OBP2B: variants seen among roughly 807,000 people sequenced by gnomAD.
OBP2B encodes the protein odorant-binding protein 2b.
Under a neutral mutation model 21.7 loss-of-function variants are expected in OBP2B, and 10 were observed. The observed-to-expected ratio is 0.46, with a 90% confidence interval of 0.28 to 0.78. The LOEUF (loss-of-function observed/expected upper bound fraction) is 0.78, where lower values mean the gene tolerates loss of function less well. Ranked by LOEUF, OBP2B falls within the 30% of genes least tolerant of loss-of-function variation. OBP2B has a pLI of 0.11. For synonymous variants in OBP2B, 73 were observed against 91.5 expected, an observed-to-expected ratio of 0.80 and a Z score of 1.16; for missense variants, 153 against 217.7, an observed-to-expected ratio of 0.70 and a Z score of 1.87.
chr9:133,207,831 T>C, intron 3 of OBP2B: 2 of 1,474,262 alleles, frequency 1.4e-6, no homozygotes, highest in Non-Finnish European at 9.1e-7. Context: ...ACCCTCAGCC[T>C]CCCCGTACCT....
rs182719632 is a variant in OBP2B at position 133,207,818 on chromosome 9, C to A, written c.277+315G>T. On this transcript the variant is annotated intron_variant, in intron 3 of 6. Transcript: ENST00000372034. The stretch of plus-strand genomic sequence containing the variant: ...TCCTTAACCCTCAGCTTCCCCATCC[C>A]TAACCCTCAGCCTCCCCGTACCTAA... The A allele has an allele frequency of 6.3e-6, 9 of 1,437,228 alleles. No homozygotes were observed. The African/African-American group carries it at 1.3e-4, about 20-fold the overall frequency. The allele number at this position is 1,437,228 out of a possible 1,614,324, so 89.0% of individuals were successfully genotyped here. A position where few individuals can be genotyped will look rare whatever the true frequency, so the allele number is the denominator to read the frequency against.
Position 133,206,360 on chromosome 9 carries a change from G to A in OBP2B, c.445C>T (p.Arg149Cys), listed in dbSNP as rs149207911. ...ATGTCCTCCTCCGAGAGTCCCTTGCGCTGCACCAATTTCTTAAATTCTTCC... is the reference window on the plus strand; with the variant it reads ...ATGTCCTCCTCCGAGAGTCCCTTGCACTGCACCAATTTCTTAAATTCTTCC... Reference protein sequence around the residue: ...ALEEFKKLVQRKGLSEEDIFT... With the variant: ...ALEEFKKLVQCKGLSEEDIFT... The change falls in exon 5 of 7, where the codon CGC becomes TGC. Residue 149 changes from arginine (R) to cysteine (C), a missense_variant. Arg to Cys is a radical substitution (Grantham distance 180). Around this residue, in one of 2 missense-constraint regions of OBP2B, gnomAD observed 151 missense variants for 186.3 expected, o/e 0.81. Transcript: ENST00000372034. The A allele has an allele frequency of 2.2e-4, 349 of 1,614,040 alleles. No homozygotes were observed. In the African/African-American group the frequency reaches 2.7e-3, roughly 12 times the overall value.
chr9:133,220,169 T>C, the OBP2B span, among the ~76,000 whole-genome samples: 2 of 152,196 alleles, frequency 1.3e-5, no homozygotes, highest in Non-Finnish European at 2.9e-5. Context: ...GATGAAGATC[T>C]CCTGGAATTA....
the OBP2B span, among the ~76,000 whole-genome samples, chr9:133,217,616 C>T: frequency 2.6e-5 from 4 of 152,228 alleles, no homozygotes; most frequent in African/African-American, 9.7e-5. Context: ...GCATCTGCAC[C>T]TGTGGGTTCC....
the OBP2B span, among the ~76,000 whole-genome samples, chr9:133,218,829 GA>G: frequency 6.6e-6 from 1 of 152,218 alleles, no homozygotes; most frequent in Non-Finnish European, 1.5e-5. Context: ...CAAGGAAAGA[GA>G]TAGGAGAGCC....
the OBP2B span, among the ~76,000 whole-genome samples, chr9:133,217,566 A>C: frequency 6.6e-6 from 1 of 152,336 alleles, no homozygotes; most frequent in Admixed American, 6.5e-5. Flanking sequence ...CATTGAATTC[A>C]GGGGACCGCC....
the OBP2B span, among the ~76,000 whole-genome samples, chr9:133,214,358 A>T: frequency 6.6e-6 from 1 of 152,256 alleles, no homozygotes; most frequent in Non-Finnish European, 1.5e-5. Flanking sequence ...AAGCAGCATT[A>T]TTCAAATGCT....
the OBP2B span, among the ~76,000 whole-genome samples, chr9:133,217,828 G>C: frequency 6.6e-6 from 1 of 152,242 alleles, no homozygotes; most frequent in East Asian, 1.9e-4. Flanking sequence ...TCTGAACCCA[G>C]ACTTGTGGAA....
In OBP2B at chr9:133,206,403, A is replaced by T. The variant is rs782116549; in HGVS notation, c.402T>A (p.Asp134Glu). The T allele has an allele frequency of 2.5e-5, 41 of 1,613,828 alleles. No individual in the cohort carries two copies. Among genetic ancestry groups the T allele is most frequent in the Non-Finnish European group, 3.2e-5 (38 of 1,179,956 alleles). Residue 134 changes from aspartate to glutamate, a missense_variant, in exon 5 of 7, where the codon GAT becomes GAA. By Grantham distance (45) the Asp-to-Glu change is conservative. Transcript: ENST00000372034. ...ATTCTTCCAGGGCCTCCCGGTTGGT[A>T]TCAGAATTCCTACCTGCAGGTGAGG... ...HMGKLVGRNS[D>E]TNREALEEFK... is the part of the protein sequence containing the mutation.
intron 3 of OBP2B, 135 bp from the exon 4 acceptor site, chr9:133,207,471 T>C (rs1833768326): frequency 3.2e-6 from 2 of 629,144 alleles, no homozygotes; most frequent in Non-Finnish European, 5.6e-6. Flanking sequence ...CCGCACAGTG[T>C]GGACCCGGAC....
At chr9:133,213,553 C>A (rs1833941710), upstream of OBP2B, among the ~76,000 whole-genome samples, 1 of 152,036 alleles carries the variant, frequency 6.6e-6, no homozygotes, top group South Asian at 2.1e-4. Context: ...TCTAGAAAGA[C>A]TGACAAACAA....
chr9:133,221,527 G>A, the OBP2B span, among the ~76,000 whole-genome samples: 7 of 152,196 alleles, frequency 4.6e-5, no homozygotes, highest in African/African-American at 1.7e-4. Context: ...AAGACTTTGG[G>A]AAGCCAACTG....
chr9:133,221,348 T>C, the OBP2B span, among the ~76,000 whole-genome samples: 5 of 152,204 alleles, frequency 3.3e-5, no homozygotes, highest in African/African-American at 1.2e-4. Context: ...ACCACAGGGC[T>C]TTCTCAGGTC....
intron 4 of OBP2B, 80 bp downstream of exon 4, chr9:133,207,146 G>T: frequency 1.0e-6 from 1 of 996,018 alleles, no homozygotes; most frequent in Non-Finnish European, 1.6e-6. Context: ...CCCATGCCAG[G>T]GCATGGTGGT....
At position 133,207,282 on chromosome 9, in the gene OBP2B, A is replaced by G. The variant is rs1242702126; in HGVS notation, c.332T>C (p.Ile111Thr). 1.9e-6 allele frequency: 3 copies of G among 1,613,924 alleles called. No homozygotes were observed. The highest frequency in any genetic ancestry group is 2.5e-6 in the Non-Finnish European group (3 of 1,179,888). The change falls in exon 4 of 7, where the codon ATC (isoleucine) becomes ACC (threonine). Residue 111 changes from isoleucine (I) to threonine (T), a missense_variant. Physicochemically the swap from Ile to Thr is moderately conservative, Grantham distance 89. Transcript: ENST00000372034. The part of the protein sequence containing the change: ...LQELPRRDHY[I>T]FYCKDQHHGG... ...ATGGTGCTGGTCTTTGCAGTAAAAGATGTAGTGGTCCCTCCTGGGCAGCTC... is the reference window on the plus strand; with the variant it reads ...ATGGTGCTGGTCTTTGCAGTAAAAGGTGTAGTGGTCCCTCCTGGGCAGCTC...
upstream of OBP2B, among the ~76,000 whole-genome samples, chr9:133,209,834 T>C (rs1833874980): frequency 6.6e-6 from 1 of 152,162 alleles, no homozygotes; most frequent in Non-Finnish European, 1.5e-5. The surrounding 1 kb of genome is among the most constrained non-coding windows in gnomAD (Gnocchi z 6.0). Flanking sequence ...GGTCAGTTTA[T>C]ATACGGCCTC....
the OBP2B span, among the ~76,000 whole-genome samples, chr9:133,220,523 G>A: frequency 0.035 from 5,196 of 150,218 alleles, 166 homozygotes; most frequent in African/African-American, 0.084. Flanking sequence ...TGTGTATGTG[G>A]TAGACTGAAT....
At chr9:133,221,499 G>A in the OBP2B span, among the ~76,000 whole-genome samples, 8 of 152,330 alleles carry the variant, frequency 5.3e-5, no homozygotes, top group Admixed American at 1.3e-4. Context: ...TCATTGGGAC[G>A]TGGCACCCAC....
rs1485214248 is a variant in OBP2B at position 133,206,419 on chromosome 9, G to A, written c.389-3C>T. The A allele has an allele frequency of 6.2e-7, 1 of 1,613,816 alleles. No homozygotes were observed. Among genetic ancestry groups the A allele is most frequent in the East Asian group, 2.2e-5 (1 of 44,848 alleles). On this transcript the variant is annotated splice_region_variant and splice_polypyrimidine_tract_variant and intron_variant, in intron 4 of 6. Coordinates refer to ENST00000372034, the MANE Select transcript of OBP2B (RefSeq NM_014581.4). ...CCGGTTGGTATCAGAATTCCTACCT[G>A]CAGGTGAGGTGGCCAGGTGAGCCGA...
Sources: allele counts gnomAD v4.1 joint callset (sites outside exome capture counted in the v4.1 genomes callset), GRCh38; gene constraint gnomAD v4.1.1; regional missense constraint gnomAD v4.1.1; non-coding constraint Gnocchi (gnomAD v3.1); transcripts MANE v1.5; gene names NCBI Gene and HGNC (gene_info 2026-07-23, HGNC 2026-07-21).